Variants in PACRG observed in about 807,000 individuals in gnomAD.
PACRG encodes the protein parkin coregulated gene protein.
PACRG carries 29 observed loss-of-function variants against 29.7 expected under a neutral mutation model. The ratio of observed to expected loss-of-function variants is 0.98; its 90% CI spans 0.73 to 1.33. The LOEUF (loss-of-function observed/expected upper bound fraction) is 1.33, where lower values mean the gene tolerates loss of function less well. Ranked by LOEUF, PACRG falls within the 40% of genes most tolerant of loss-of-function variation. The pLI is 0.00. For missense variants in PACRG, 279 were observed against 316.2 expected (o/e 0.88, Z 0.89); for synonymous variants, 116 against 118.7 (o/e 0.98, Z 0.15).
intron 3 of PACRG, among the ~76,000 whole-genome samples, chr6:163,064,138 G>T (rs1378265668): frequency 6.6e-6 from 1 of 151,394 alleles, no homozygotes; most frequent in African/African-American, 2.4e-5. Context: ...CTTCTCAGGG[G>T]TCTCTCCCTC....
At chr6:162,804,817 A>G (rs1786181041) in intron 1 of PACRG, among the ~76,000 whole-genome samples, 1 of 152,198 alleles carries the variant, frequency 6.6e-6, no homozygotes, top group Non-Finnish European at 1.5e-5. Context: ...AATATATTGA[A>G]TATTTATTGA....
chr6:163,304,033 A>G (rs1165864207), intron 4 of PACRG, among the ~76,000 whole-genome samples: 2 of 151,384 alleles, frequency 1.3e-5, no homozygotes, highest in Non-Finnish European at 2.9e-5. Context: ...AAAAAAAAAA[A>G]AAAAAGTAAA....
At chr6:163,285,253 G>A (rs1333300846) in intron 4 of PACRG, among the ~76,000 whole-genome samples, 1 of 151,846 alleles carries the variant, frequency 6.6e-6, no homozygotes, top group Non-Finnish European at 1.5e-5. Context: ...CCTACCGCAG[G>A]GCCTTTGCGC....
At position 163,062,269 on chromosome 6, in the gene PACRG, C is replaced by T. The variant is rs549961914; in HGVS notation, c.411C>T (p.His137=). The T allele has an allele frequency of 3.7e-5, 60 of 1,614,130 alleles. 3 individuals are homozygous for T. The South Asian group carries it at 4.4e-4, about 12-fold the overall frequency. ...ARQGIHDMLE[H]GGNKILPVLP... is the part of the protein sequence containing the mutation. Reference sequence around the variant, plus strand: ...AAGGAATCCACGACATGCTGGAACACGGTGGGAACAAGATCCTACCTGTCC... The same window carrying T: ...AAGGAATCCACGACATGCTGGAACATGGTGGGAACAAGATCCTACCTGTCC... The change falls in exon 3 of 5, where the codon CAC becomes CAT. Residue 137 remains histidine (H), a synonymous_variant. Transcript: ENST00000366888.
At chr6:163,013,516 A>T (rs1007035180) in intron 2 of PACRG, among the ~76,000 whole-genome samples, 22 of 152,152 alleles carry the variant, frequency 1.4e-4, no homozygotes, top group African/African-American at 5.3e-4. Context: ...TTCTGAAGTT[A>T]CCCTCAGATA....
In PACRG at chr6:162,837,405, A is replaced by T. The variant is rs150743661; in HGVS notation, c.291+23124A>T. ...TAAATGATAAGGAGTTGGAGTGGAA[A>T]GATGGTGGAAGAGGAGATAGAATTG... is the stretch of plus-strand genomic sequence containing the variant. On this transcript the variant is annotated intron_variant, in intron 2 of 4. Transcript: ENST00000366888. Among the ~76,000 whole-genome samples the T allele has an allele frequency of 7.3e-3, 1,110 of 152,282 alleles. 18 individuals carry two copies. The highest frequency in any genetic ancestry group is 0.026 in the African/African-American group (1,060 of 41,564).
At chr6:163,090,036 G>T in intron 4 of PACRG, among the ~76,000 whole-genome samples, 1 of 151,882 alleles carries the variant, frequency 6.6e-6, no homozygotes. Flanking sequence ...CTTTTTTGTT[G>T]TTAATTTTGA....
intron 2 of PACRG, among the ~76,000 whole-genome samples, chr6:162,926,000 T>C (rs1396716228): frequency 6.6e-6 from 1 of 152,048 alleles, no homozygotes; most frequent in African/African-American, 2.4e-5. Context: ...AGAATTTCTA[T>C]ACACCAACAG....
intron 1 of PACRG, among the ~76,000 whole-genome samples, chr6:162,747,341 T>C (rs1325909584): frequency 1.5e-5 from 1 of 68,654 alleles, no homozygotes; most frequent in Non-Finnish European, 2.4e-5. Flanking sequence ...TATATATATA[T>C]ATATATATAT....
intron 4 of PACRG, among the ~76,000 whole-genome samples, chr6:163,202,102 A>AG (rs1562313545): frequency 1.3e-5 from 2 of 152,182 alleles, no homozygotes; most frequent in Non-Finnish European, 2.9e-5. Context: ...GGAGGGCAGC[A>AG]GGGTTCTGGG....
chr6:163,150,707 G>A (rs1180977942), intron 4 of PACRG, among the ~76,000 whole-genome samples: 1 of 152,200 alleles, frequency 6.6e-6, no homozygotes, highest in Non-Finnish European at 1.5e-5. Context: ...CAATTGTAAC[G>A]ATCCATTGGC....
intron 4 of PACRG, among the ~76,000 whole-genome samples, chr6:163,223,010 A>T (rs929864630): frequency 2.6e-5 from 4 of 152,244 alleles, no homozygotes; most frequent in Non-Finnish European, 4.4e-5. Context: ...GTACAGATTG[A>T]TCTTGCCTTA....
At position 162,897,198 on chromosome 6, in the gene PACRG, T is replaced by C. The variant is rs530520407; in HGVS notation, c.291+82917T>C. 6.6e-5 allele frequency among the ~76,000 whole-genome samples: 10 copies of C among 152,336 alleles called. No homozygotes were observed. The South Asian group carries it at 2.1e-3, about 32-fold the overall frequency. On this transcript the variant is annotated intron_variant, in intron 2 of 4. Coordinates refer to ENST00000366888, the MANE Select transcript of PACRG (RefSeq NM_001080379.2). ...TTTGGAATTCCCCAAAAAATGTGCA[T>C]GATATAACCAACAACAAGTCATGAA...
At chr6:163,075,250 G>T (rs1209282961) in intron 3 of PACRG, among the ~76,000 whole-genome samples, 1 of 152,018 alleles carries the variant, frequency 6.6e-6, no homozygotes, top group Non-Finnish European at 1.5e-5. Context: ...AAGAAATTAA[G>T]TCAGTAATTA....
At chr6:163,207,702 T>C (rs1780964209) in intron 4 of PACRG, among the ~76,000 whole-genome samples, 1 of 152,192 alleles carries the variant, frequency 6.6e-6, no homozygotes, top group Admixed American at 6.5e-5. Flanking sequence ...GGTAGCCTGC[T>C]CCATTTTAAT....
At chr6:163,186,732 C>G (rs1779955102) in intron 4 of PACRG, among the ~76,000 whole-genome samples, 1 of 152,178 alleles carries the variant, frequency 6.6e-6, no homozygotes, top group Admixed American at 6.5e-5. Context: ...TGAGGCTGTT[C>G]CTTTGCTTCC....
At chr6:162,789,715 T>C (rs10755591) in intron 1 of PACRG, among the ~76,000 whole-genome samples, 98,586 of 151,978 alleles carry the variant, frequency 0.65, 32,518 homozygotes, top group South Asian at 0.82. Flanking sequence ...TTAGACTGTT[T>C]TCATAAGTCT....
chr6:163,283,805 C>G (rs1784300831), intron 4 of PACRG, among the ~76,000 whole-genome samples: 1 of 98,038 alleles, frequency 1.0e-5, no homozygotes, highest in Non-Finnish European at 1.9e-5. Flanking sequence ...GAGACTCCGT[C>G]TCAAAAAAAA....
rs896852524 is a variant in PACRG, at chr6:163,138,789, T to G, written c.613+49381T>G. ...TATCCCTACCTGTTCATTGCAACAC[T>G]GAATAAAAATTTAACTGAAATGTTC... On this transcript the variant is annotated intron_variant, in intron 4 of 4. Coordinates refer to ENST00000366888, the MANE Select transcript of PACRG (RefSeq NM_001080379.2). Among the ~76,000 whole-genome samples, 7 of 152,324 alleles carry G rather than the reference T, an allele frequency of 4.6e-5. No individual in the cohort carries two copies. The East Asian group carries it at 1.2e-3, about 25-fold the overall frequency.
Sources: gnomAD v4.1 joint callset for allele counts (sites outside exome capture counted in the v4.1 genomes callset) on GRCh38, gnomAD v4.1.1 for gene constraint, MANE v1.5 for transcripts, NCBI Gene and HGNC (gene_info 2026-07-23, HGNC 2026-07-21) for gene names.